The following TRERF1 variants were observed in gnomAD, a reference collection of about 807,000 sequenced individuals.
TRERF1 encodes transcriptional regulating factor 1, also known as transcriptional-regulating factor 1.
Under a neutral mutation model 122.9 loss-of-function variants are expected in TRERF1, and 27 were observed. That is an observed-to-expected ratio of 0.22 (90% confidence interval 0.16 to 0.30). The LOEUF is 0.30. Ranked by LOEUF, TRERF1 falls within the 10% of genes least tolerant of loss-of-function variation. TRERF1 has a pLI of 1.00. For missense variants in TRERF1, 1,248 were observed against 1,560.3 expected (o/e 0.80, Z 3.37); for synonymous variants, 636 against 641.7 (o/e 0.99, Z 0.13).
rs1771636695 is a variant in TRERF1, at chr6:42,234,533, G to A, written c.3067-1641C>T. On this transcript the variant is annotated intron_variant, in intron 16 of 17. Coordinates refer to ENST00000372922, the Ensembl canonical transcript of TRERF1. Reference sequence around the variant, plus strand: ...TTGTATTTTTAGTATAGTAGAGACGGGGTTTCACCATGTTGGCCAGGATGG... The same window carrying A: ...TTGTATTTTTAGTATAGTAGAGACGAGGTTTCACCATGTTGGCCAGGATGG... Among the ~76,000 whole-genome samples, 3 of 151,968 alleles carry A rather than the reference G, an allele frequency of 2.0e-5. No individual in the cohort carries two copies. The South Asian group carries it at 6.2e-4, about 32-fold the overall frequency.
At chr6:42,372,233 T>C (rs1253668333) in intron 2 of TRERF1, among the ~76,000 whole-genome samples, 1 of 152,180 alleles carries the variant, frequency 6.6e-6, no homozygotes, top group African/African-American at 2.4e-5. Flanking sequence ...AAGCTCCTAC[T>C]AGAGTCAGCT....
At chr6:42,450,565 C>T (rs566663443) in intron 2 of TRERF1, among the ~76,000 whole-genome samples, 4 of 152,332 alleles carry the variant, frequency 2.6e-5, no homozygotes, top group African/African-American at 9.6e-5. Context: ...GGATGGCAGG[C>T]GCACATGCTC....
At position 42,272,274 on chromosome 6, in the gene TRERF1, G is replaced by A. The variant is rs116203599; in HGVS notation, c.-258-2426C>T. On this transcript the variant is annotated intron_variant, in intron 4 of 17. Transcript: ENST00000372922. ...GAGCTGAGTTGGTCTGTCCCTTTCTGAACTATGAGAGAAAGAGATGGAAAA... is the reference window on the plus strand; with the variant it reads ...GAGCTGAGTTGGTCTGTCCCTTTCTAAACTATGAGAGAAAGAGATGGAAAA... Among the ~76,000 whole-genome samples the A allele has an allele frequency of 3.6e-3, 551 of 152,278 alleles. 2 individuals carry two copies. Among genetic ancestry groups the A allele is most frequent in the Non-Finnish European group, 4.4e-3 (297 of 68,026 alleles).
chr6:42,286,360 C>T (rs1368718857), intron 4 of TRERF1, among the ~76,000 whole-genome samples: 12 of 140,774 alleles, frequency 8.5e-5, no homozygotes, highest in African/African-American at 3.2e-4. Flanking sequence ...AGGCAACACA[C>T]AAAATGGGAG....
At chr6:42,368,594 C>T (rs1773190621) in intron 2 of TRERF1, among the ~76,000 whole-genome samples, 1 of 152,182 alleles carries the variant, frequency 6.6e-6, no homozygotes, top group South Asian at 2.1e-4. Context: ...CTAGCAAAGA[C>T]ACTTCCAGTA....
chr6:42,337,368 G>A (rs11965435), intron 3 of TRERF1, among the ~76,000 whole-genome samples: 14,167 of 152,176 alleles, frequency 0.093, 975 homozygotes, highest in African/African-American at 0.19. Flanking sequence ...TTCTAATACC[G>A]CTCCTGATCC....
intron 4 of TRERF1, among the ~76,000 whole-genome samples, chr6:42,272,166 AGAGTTTTAAAAGATTCTTTTAGG>A (rs1284043978): frequency 6.6e-6 from 1 of 152,250 alleles, no homozygotes; most frequent in Non-Finnish European, 1.5e-5. Context: ...GAAGGGGCAA[AGAGTTTTAAAAGATTCTTTTAGG>A]GAGGATTTTA....
intron 3 of TRERF1, among the ~76,000 whole-genome samples, chr6:42,344,098 G>A (rs534686849): frequency 2.0e-5 from 3 of 152,318 alleles, no homozygotes; most frequent in South Asian, 2.1e-4. Flanking sequence ...AAGGAGCTGC[G>A]TTCACCTGGA....
exon 11 of TRERF1, chr6:42,257,087 G>A: frequency 1.2e-6 from 2 of 1,614,194 alleles, no homozygotes; most frequent in East Asian, 4.5e-5. Context: ...GGAATCTCAA[G>A]CCAATGTTGA....
At chr6:42,433,590 C>T (rs1784813829) in intron 2 of TRERF1, among the ~76,000 whole-genome samples, 1 of 152,110 alleles carries the variant, frequency 6.6e-6, no homozygotes, top group African/African-American at 2.4e-5. Flanking sequence ...CTACATTTTC[C>T]ACGGTAAAAT....
chr6:42,297,219 T>C (rs1241235363), intron 4 of TRERF1, among the ~76,000 whole-genome samples: 3 of 152,222 alleles, frequency 2.0e-5, no homozygotes, highest in African/African-American at 4.8e-5. Context: ...TTTGGCAATA[T>C]GGCAGACCGG....
intron 13 of TRERF1, among the ~76,000 whole-genome samples, chr6:42,250,996 T>TTA (rs1426494549): frequency 1.4e-5 from 2 of 140,336 alleles, no homozygotes; most frequent in African/African-American, 5.3e-5. Context: ...TTGCTTCTTT[T>TTA]TTTTTTTTTT....
chr6:42,318,581 G>A (rs766425032), intron 3 of TRERF1, among the ~76,000 whole-genome samples: 8 of 152,224 alleles, frequency 5.3e-5, no homozygotes, highest in Non-Finnish European at 5.9e-5. Context: ...CAGAGGTAAT[G>A]TGGACAACTG....
At chr6:42,421,966 G>A (rs148993024) in intron 2 of TRERF1, among the ~76,000 whole-genome samples, 3,350 of 151,190 alleles carry the variant, frequency 0.022, 129 homozygotes, top group African/African-American at 0.076. Flanking sequence ...TCAGGAGTTC[G>A]AGACCAACCT....
At chr6:42,262,603 GAC>G (rs1425122022) in intron 8 of TRERF1, among the ~76,000 whole-genome samples, 2 of 123,984 alleles carry the variant, frequency 1.6e-5, no homozygotes, top group Admixed American at 8.1e-5. Context: ...GAGAGAGACA[GAC>G]AGACGGAAAC....
rs775343066 is a variant in TRERF1, at chr6:42,233,574, C to T, written c.3067-682G>A. Among the ~76,000 whole-genome samples, 34 of 152,294 alleles carry T rather than the reference C, an allele frequency of 2.2e-4. 1 individual carries two copies. The highest frequency in any genetic ancestry group is 3.9e-4 in the Admixed American group (6 of 15,304). ...TGCTGGGATTACAGGCGTGAGCCAC[C>T]ACGCCTGGCCTCAAACTTTTTTAAA... is the stretch of plus-strand genomic sequence containing the variant. On this transcript the variant is annotated intron_variant, in intron 16 of 17. Transcript: ENST00000372922.
chr6:42,262,665 G>C (rs1039375258), intron 8 of TRERF1, among the ~76,000 whole-genome samples: 5 of 151,642 alleles, frequency 3.3e-5, no homozygotes, highest in Non-Finnish European at 5.9e-5. Context: ...TAAAATTGGA[G>C]AAAGGAGAAC....
chr6:42,261,987 G>A (rs569544349), intron 8 of TRERF1, among the ~76,000 whole-genome samples: 3 of 152,028 alleles, frequency 2.0e-5, no homozygotes, highest in African/African-American at 7.3e-5. Flanking sequence ...GAAGGGGTGG[G>A]GGGGGTGTGC....
intron 4 of TRERF1, among the ~76,000 whole-genome samples, chr6:42,294,180 ATT>A (rs70987589): frequency 2.3e-5 from 3 of 129,158 alleles, no homozygotes; most frequent in Admixed American, 1.6e-4. Flanking sequence ...CTATAATGTA[ATT>A]TTTTTTTTTT....
Sources: gnomAD v4.1 joint callset for allele counts (sites outside exome capture counted in the v4.1 genomes callset) on GRCh38, gnomAD v4.1.1 for gene constraint, MANE v1.5 for transcripts, NCBI Gene and HGNC (gene_info 2026-07-23, HGNC 2026-07-21) for gene names.